Variants in COL25A1 observed in about 807,000 individuals in gnomAD.
COL25A1 encodes collagen alpha-1(XXV) chain.
A neutral mutation model predicts 128.4 loss-of-function variants in COL25A1; 103 were observed. That is an observed-to-expected ratio of 0.80 (90% CI 0.68 to 0.94). The LOEUF (loss-of-function observed/expected upper bound fraction) is 0.94, where lower values mean the gene tolerates loss of function less well. Among genes scored for constraint, COL25A1 ranks in the 40% least tolerant of loss-of-function variants. The probability of loss-of-function intolerance (pLI) is 0.00; values close to 1 mark genes in which losing one functional copy is unlikely to be tolerated. For missense variants in COL25A1, 745 were observed against 840.0 expected (o/e 0.89, Z 1.40); for synonymous variants, 279 against 277.2 (o/e 1.01, Z -0.06).
intron 6 of COL25A1, among the ~76,000 whole-genome samples, chr4:109,003,405 TTAA>T (rs1348351981): frequency 6.6e-6 from 1 of 152,270 alleles, no homozygotes; most frequent in Non-Finnish European, 1.5e-5. Flanking sequence ...TGTTGAGTAG[TTAA>T]TTGAATTATG....
intron 3 of COL25A1, among the ~76,000 whole-genome samples, chr4:109,176,507 T>C (rs1207755818): frequency 6.6e-6 from 1 of 151,878 alleles, no homozygotes; most frequent in Non-Finnish European, 1.5e-5. Flanking sequence ...AAATACAGAT[T>C]AGGGTGAAAA....
chr4:109,286,812 TCTCACAAC>T (rs1233166701), intron 3 of COL25A1, among the ~76,000 whole-genome samples: 14 of 152,172 alleles, frequency 9.2e-5, no homozygotes, highest in Non-Finnish European at 2.1e-4. Context: ...CGATCTCTGT[TCTCACAAC>T]CCAAGGGAGT....
intron 3 of COL25A1, among the ~76,000 whole-genome samples, chr4:109,094,442 TGTGTACC>T (rs1468162161): frequency 6.6e-6 from 1 of 152,216 alleles, no homozygotes; most frequent in African/African-American, 2.4e-5. Context: ...TCAAGTTCAC[TGTGTACC>T]GTAATACTTT....
Position 109,288,960 on chromosome 4 carries a change from TATACACACACACACAC to T in COL25A1, c.367+11607_367+11622del, listed in dbSNP as rs1195920561. On this transcript the variant is annotated intron_variant, in intron 3 of 37. Coordinates refer to ENST00000399132, the MANE Select transcript of COL25A1 (RefSeq NM_198721.4). ...TTACTACCAGGAATACTAAATTATATATACACACACACACACACACACACACACACACACACACACA... is the reference window on the plus strand; with the variant it reads ...TTACTACCAGGAATACTAAATTATATACACACACACACACACACACACACA... 6.1e-5 allele frequency among the ~76,000 whole-genome samples: 6 copies of T among 98,320 alleles called. No individual in the cohort carries two copies. In the South Asian group the frequency reaches 1.5e-3, roughly 25 times the overall value. 64.5% of individuals were successfully genotyped at this position (98,320 alleles called of 152,430 possible).
At chr4:109,019,779 A>G (rs141343811) in intron 5 of COL25A1, among the ~76,000 whole-genome samples, 16 of 152,246 alleles carry the variant, frequency 1.1e-4, no homozygotes, top group African/African-American at 3.9e-4. Flanking sequence ...TGCACACTCA[A>G]TGGAATTTTA....
At chr4:108,892,096 G>C (rs1741574893) in intron 16 of COL25A1, among the ~76,000 whole-genome samples, 1 of 111,644 alleles carries the variant, frequency 9.0e-6, no homozygotes, top group Non-Finnish European at 1.9e-5. Context: ...ACATTTTAAA[G>C]GATAATGCTG....
chr4:108,816,435 G>T (rs114096894), intron 37 of COL25A1, among the ~76,000 whole-genome samples: 3,169 of 152,256 alleles, frequency 0.021, 38 homozygotes, highest in Non-Finnish European at 0.027. Flanking sequence ...ATTTCAAAAT[G>T]ATTGAAGCAT....
chr4:109,208,217 T>C (rs1375399797), intron 3 of COL25A1, among the ~76,000 whole-genome samples: 1 of 152,216 alleles, frequency 6.6e-6, no homozygotes, highest in Non-Finnish European at 1.5e-5. Context: ...CAAAACTACT[T>C]TGACTTAAGG....
At chr4:108,861,911 T>C (rs893360216) in intron 22 of COL25A1, among the ~76,000 whole-genome samples, 1 of 152,216 alleles carries the variant, frequency 6.6e-6, no homozygotes, top group Non-Finnish European at 1.5e-5. Flanking sequence ...GCCAATAACA[T>C]TGATCATAAT....
chr4:109,005,088 C>T lies in COL25A1; in HGVS notation c.438+5270G>A, dbSNP rs541979821. Among the ~76,000 whole-genome samples, 6 of 152,204 alleles carry T rather than the reference C, an allele frequency of 3.9e-5. No homozygotes were observed. In the South Asian group the frequency reaches 1.0e-3, roughly 26 times the overall value. ...AAAGAAAACAGGCTTAACTGGCTCACAATTCTGCAGGCTGCACAGGAAGCA... is the reference window on the plus strand; with the variant it reads ...AAAGAAAACAGGCTTAACTGGCTCATAATTCTGCAGGCTGCACAGGAAGCA... On this transcript the variant is annotated intron_variant, in intron 6 of 37. Coordinates refer to ENST00000399132, the MANE Select transcript of COL25A1 (RefSeq NM_198721.4).
intron 3 of COL25A1, among the ~76,000 whole-genome samples, chr4:109,295,145 A>G (rs1211936448): frequency 6.6e-6 from 1 of 152,110 alleles, no homozygotes; most frequent in Non-Finnish European, 1.5e-5. Context: ...ATGAAAAAAT[A>G]GAATTATTAA....
At chr4:109,198,411 C>T (rs1408531279) in intron 3 of COL25A1, among the ~76,000 whole-genome samples, 4 of 152,070 alleles carry the variant, frequency 2.6e-5, no homozygotes, top group African/African-American at 9.7e-5. Flanking sequence ...CTCTGGCAGG[C>T]TTCTCAACAT....
At chr4:109,253,399 G>A (rs753163263) in intron 3 of COL25A1, among the ~76,000 whole-genome samples, 1 of 152,158 alleles carries the variant, frequency 6.6e-6, no homozygotes, top group Admixed American at 6.5e-5. Context: ...TGAAAGGCAG[G>A]AGAAGACCTA....
chr4:109,179,749 A>G (rs1386171217), intron 3 of COL25A1, among the ~76,000 whole-genome samples: 1 of 152,214 alleles, frequency 6.6e-6, no homozygotes, highest in African/African-American at 2.4e-5. Flanking sequence ...GAAACTTACT[A>G]GAAGTGTTCA....
At chr4:109,030,023 C>T (rs1758682104) in intron 5 of COL25A1, among the ~76,000 whole-genome samples, 1 of 152,006 alleles carries the variant, frequency 6.6e-6, no homozygotes, top group African/African-American at 2.4e-5. Context: ...GTTAATACAC[C>T]CTTTCTCCAC....
intron 3 of COL25A1, among the ~76,000 whole-genome samples, chr4:109,278,670 T>G (rs78102043): frequency 0.023 from 3,433 of 152,274 alleles, 135 homozygotes; most frequent in African/African-American, 0.077. Flanking sequence ...ATTGTCCCCA[T>G]GTAACACCTT....
intron 3 of COL25A1, among the ~76,000 whole-genome samples, chr4:109,138,959 G>A (rs1208304130): frequency 6.6e-6 from 1 of 152,046 alleles, no homozygotes; most frequent in African/African-American, 2.4e-5. Flanking sequence ...CGCCCACCTC[G>A]GCCTCCCAAA....
intron 3 of COL25A1, among the ~76,000 whole-genome samples, chr4:109,174,364 A>C (rs1773874222): frequency 6.6e-6 from 1 of 152,106 alleles, no homozygotes; most frequent in African/African-American, 2.4e-5. Context: ...CCCTAGCTAA[A>C]CATTCCTTTT....
At chr4:109,163,079 C>T (rs938981550) in intron 3 of COL25A1, among the ~76,000 whole-genome samples, 4 of 152,114 alleles carry the variant, frequency 2.6e-5, no homozygotes, top group Non-Finnish European at 4.4e-5. Flanking sequence ...AACAACCTTT[C>T]ACCTCCCCTG....
Sources: gnomAD v4.1 joint callset for allele counts (sites outside exome capture counted in the v4.1 genomes callset) on GRCh38, gnomAD v4.1.1 for gene constraint, MANE v1.5 for transcripts, NCBI Gene and HGNC (gene_info 2026-07-23, HGNC 2026-07-21) for gene names.